ATP8A2: variants seen among roughly 807,000 people sequenced by gnomAD.
The protein encoded by ATP8A2 is phospholipid-transporting ATPase IB.
Under a neutral mutation model 165.6 loss-of-function variants are expected in ATP8A2, and 100 were observed. The ratio of observed to expected loss-of-function variants is 0.60; its 90% CI spans 0.51 to 0.71. ATP8A2 has a LOEUF of 0.71. ATP8A2 is among the 30% of genes least tolerant of loss of function. The probability of loss-of-function intolerance (pLI) is 0.00; values close to 1 mark genes in which losing one functional copy is unlikely to be tolerated. For missense variants in ATP8A2, 1,227 were observed against 1,479.5 expected, an observed-to-expected ratio of 0.83 and a Z score of 2.80; for synonymous variants, 543 against 548.8, an observed-to-expected ratio of 0.99 and a Z score of 0.15.
intron 26 of ATP8A2, among the ~76,000 whole-genome samples, chr13:25,772,482 A>G (rs1276515506): frequency 6.6e-6 from 1 of 151,242 alleles, no homozygotes; most frequent in Non-Finnish European, 1.5e-5. Context: ...CTTTATGGGG[A>G]GTTTTATTTT....
intron 33 of ATP8A2, among the ~76,000 whole-genome samples, chr13:25,902,362 A>G (rs1953779678): frequency 6.6e-6 from 1 of 152,202 alleles, no homozygotes; most frequent in East Asian, 1.9e-4. Flanking sequence ...ATTTTTCTAT[A>G]TAAGCAGATT....
In ATP8A2 at chr13:25,432,955, G is replaced by C. The variant is rs117038758; in HGVS notation, c.77-36022G>C. Among the ~76,000 whole-genome samples, 813 of 152,340 alleles carry C rather than the reference G, an allele frequency of 5.3e-3. 2 individuals carry two copies. Among genetic ancestry groups the C allele is most frequent in the Non-Finnish European group, 8.2e-3 (557 of 68,030 alleles). The stretch of plus-strand genomic sequence containing the variant: ...CCACACATGGGGTTTTCTTGGCTCT[G>C]TGTGGAATGGGGAGTAGTTAGCTTC... On this transcript the variant is annotated intron_variant, in intron 1 of 36. Transcript: ENST00000381655.
chr13:25,816,367 C>T (rs1025650051), intron 27 of ATP8A2, among the ~76,000 whole-genome samples: 1 of 152,158 alleles, frequency 6.6e-6, no homozygotes, highest in Admixed American at 6.5e-5. Flanking sequence ...TTGTTCCAGC[C>T]ACCTGGCAGC....
intron 1 of ATP8A2, among the ~76,000 whole-genome samples, chr13:25,420,016 G>A (rs2034253979): frequency 6.6e-6 from 1 of 152,210 alleles, no homozygotes; most frequent in Non-Finnish European, 1.5e-5. Context: ...AAGGAAAAAT[G>A]TATGTACTGA....
At chr13:25,643,297 A>G (rs1291625657) in intron 24 of ATP8A2, among the ~76,000 whole-genome samples, 1 of 152,126 alleles carries the variant, frequency 6.6e-6, no homozygotes, top group Non-Finnish European at 1.5e-5. Context: ...GTTCCTCTTC[A>G]CTGCTGTGTA....
chr13:25,938,591 C>A (rs1453401451), intron 33 of ATP8A2, among the ~76,000 whole-genome samples: 3 of 152,120 alleles, frequency 2.0e-5, no homozygotes, highest in Admixed American at 2.0e-4. Flanking sequence ...AAGGTGCTAA[C>A]AGGACACGGA....
chr13:25,885,659 T>C (rs1566236873), intron 33 of ATP8A2, among the ~76,000 whole-genome samples: 1 of 152,346 alleles, frequency 6.6e-6, no homozygotes. Flanking sequence ...TTCATTATGC[T>C]ATTTTCTTCC....
chr13:25,886,066 G>A (rs754543587), intron 33 of ATP8A2, among the ~76,000 whole-genome samples: 3 of 152,198 alleles, frequency 2.0e-5, no homozygotes, highest in Non-Finnish European at 2.9e-5. Flanking sequence ...ATGCTCCACT[G>A]TATTCAAGCT....
At chr13:25,663,830 T>C (rs1458916124) in intron 24 of ATP8A2, among the ~76,000 whole-genome samples, 1 of 152,182 alleles carries the variant, frequency 6.6e-6, no homozygotes, top group Non-Finnish European at 1.5e-5. Context: ...CCATAAGTGA[T>C]TTAAAACCAT....
intron 31 of ATP8A2, 117 bp from the exon 32 acceptor site, chr13:25,860,687 C>G (rs1952322284): frequency 1.3e-6 from 1 of 767,828 alleles, no homozygotes; most frequent in African/African-American, 1.7e-5. Flanking sequence ...CTGGTGCTTT[C>G]AAACCGGAGC....
intron 1 of ATP8A2, among the ~76,000 whole-genome samples, chr13:25,458,733 T>C (rs943680713): frequency 7.2e-5 from 11 of 152,130 alleles, no homozygotes; most frequent in Non-Finnish European, 1.5e-4. Context: ...GTTGGAGAGA[T>C]GAGGTGTGTG....
intron 33 of ATP8A2, among the ~76,000 whole-genome samples, chr13:25,952,160 A>G (rs994007225): frequency 2.0e-5 from 3 of 152,202 alleles, no homozygotes; most frequent in Non-Finnish European, 4.4e-5. Flanking sequence ...TCATCTTCAG[A>G]GGATGTCCCA....
intron 11 of ATP8A2, among the ~76,000 whole-genome samples, chr13:25,553,296 A>T (rs544549802): frequency 8.6e-5 from 13 of 151,402 alleles, no homozygotes; most frequent in Middle Eastern, 3.4e-3. Context: ...CCGTCCAGAT[A>T]TCCCTTCTCT....
chr13:25,820,262 T>C (rs1349216864), intron 27 of ATP8A2, among the ~76,000 whole-genome samples: 1 of 152,092 alleles, frequency 6.6e-6, no homozygotes, highest in African/African-American at 2.4e-5. Context: ...GGAAAAGCCA[T>C]TTAATAAGTT....
intron 35 of ATP8A2, among the ~76,000 whole-genome samples, chr13:25,980,554 C>G (rs1956155308): frequency 6.6e-6 from 1 of 152,090 alleles, no homozygotes; most frequent in African/African-American, 2.4e-5. Flanking sequence ...TCACACAGGC[C>G]TTTGTGAGCA....
At chr13:25,631,476 A>C (rs1183454302) in intron 24 of ATP8A2, among the ~76,000 whole-genome samples, 1 of 152,150 alleles carries the variant, frequency 6.6e-6, no homozygotes, top group Non-Finnish European at 1.5e-5. Flanking sequence ...AGTTGATTTG[A>C]GGATTTTTTG....
chr13:25,489,380 A>C (rs559442869), intron 2 of ATP8A2, among the ~76,000 whole-genome samples: 2 of 152,214 alleles, frequency 1.3e-5, no homozygotes, highest in East Asian at 3.9e-4. Context: ...CTCAGGTTGC[A>C]TCTCTGTAAG....
At position 25,413,212 on chromosome 13, in the gene ATP8A2, T is replaced by C. The variant is rs572996627; in HGVS notation, c.76+40924T>C. ...AGTACTGCAATAGAAGTAATTCTTCTAGTAGTTTTGGTGAGAATATCTTTT... is the reference window on the plus strand; with the variant it reads ...AGTACTGCAATAGAAGTAATTCTTCCAGTAGTTTTGGTGAGAATATCTTTT... On this transcript the variant is annotated intron_variant, in intron 1 of 36. Transcript: ENST00000381655. Among the ~76,000 whole-genome samples, 12 of 152,268 alleles carry C rather than the reference T, an allele frequency of 7.9e-5. No homozygotes were observed. The East Asian group carries it at 2.3e-3, about 29-fold the overall frequency.
At chr13:25,754,836 G>A (rs1032380536) in intron 25 of ATP8A2, among the ~76,000 whole-genome samples, 2 of 152,118 alleles carry the variant, frequency 1.3e-5, no homozygotes, top group Non-Finnish European at 2.9e-5. Context: ...TGGAGTGGAT[G>A]GTTGTGGTTT....
Sources: allele counts gnomAD v4.1 joint callset (sites outside exome capture counted in the v4.1 genomes callset), GRCh38; gene constraint gnomAD v4.1.1; transcripts MANE v1.5; gene names NCBI Gene and HGNC (gene_info 2026-07-23, HGNC 2026-07-21).